Variants in TNFRSF10D observed in about 807,000 individuals in gnomAD.
The protein encoded by TNFRSF10D is tumor necrosis factor receptor superfamily member 10D.
A neutral mutation model predicts 42.1 loss-of-function variants in TNFRSF10D; 28 were observed. The ratio of observed to expected loss-of-function variants is 0.66; its 90% confidence interval spans 0.49 to 0.91. TNFRSF10D has a LOEUF of 0.91. Among genes scored for constraint, TNFRSF10D ranks in the 40% least tolerant of loss-of-function variants. The pLI is 0.00. For synonymous variants in TNFRSF10D, 186 were observed against 189.4 expected (o/e 0.98, Z 0.15); for missense variants, 503 against 486.1 (o/e 1.03, Z -0.33).
intron 2 of TNFRSF10D, among the ~76,000 whole-genome samples, chr8:23,150,276 C>G (rs977217695): frequency 1.3e-5 from 2 of 152,186 alleles, no homozygotes; most frequent in African/African-American, 4.8e-5. Context: ...AAGTACAAGG[C>G]CTATTCCAGT....
chr8:23,163,907 G>A lies in TNFRSF10D; in HGVS notation c.29C>T (p.Thr10Ile), dbSNP rs770443876. Residue 10 changes from threonine to isoleucine, a missense_variant, in exon 1 of 9, where the codon ACC becomes ATC. Transcript: ENST00000312584. MGLWGQSVP[T>I]ASSARAGRYP... ...GCGCCCTGCTCGAGCGCTCGAGGCG[G>A]TCGGGACGCTTTGTCCCCAAAGTCC... 1.3e-6 allele frequency: 2 copies of A among 1,585,918 alleles called. No homozygotes were observed. Among genetic ancestry groups the A allele is most frequent in the South Asian group, 1.1e-5 (1 of 87,798 alleles).
chr8:23,149,336 C>T (rs1286046643), intron 2 of TNFRSF10D, among the ~76,000 whole-genome samples: 4 of 151,738 alleles, frequency 2.6e-5, no homozygotes, highest in Admixed American at 2.6e-4. Context: ...CTCCCAGGTT[C>T]AAGCGATTCT....
chr8:23,161,498 T>C (rs72609906), intron 1 of TNFRSF10D, among the ~76,000 whole-genome samples: 25,814 of 152,152 alleles, frequency 0.17, 2,900 homozygotes, highest in East Asian at 0.58. Flanking sequence ...CTTATCTCCA[T>C]TTACAGGCGT....
chr8:23,156,151 A>T (rs570531913), intron 1 of TNFRSF10D, among the ~76,000 whole-genome samples: 770 of 151,922 alleles, frequency 5.1e-3, no homozygotes, highest in African/African-American at 0.016. Context: ...ACACACTGAA[A>T]AATTCAATAA....
intron 1 of TNFRSF10D, among the ~76,000 whole-genome samples, chr8:23,155,651 G>A (rs1199945036): frequency 2.6e-5 from 4 of 151,666 alleles, no homozygotes; most frequent in South Asian, 2.1e-4. Context: ...CCCAGGAGGC[G>A]GAGCTTGCAC....
In TNFRSF10D at chr8:23,145,670, G is replaced by T. The variant is rs565765139; in HGVS notation, c.734C>A (p.Ser245Ter). The T allele has an allele frequency of 6.2e-7, 1 of 1,613,886 alleles. No homozygotes were observed. Among genetic ancestry groups the T allele is most frequent in the African/African-American group, 1.3e-5 (1 of 74,928 alleles). ...TCCCACCCTCAGCCAGCACCTACCT[G>T]AGCAGATGCCTTTGAGGTAAGAAAT... ...KFISYLKGIC[S>*]GGGGGPERVH... The change falls in exon 5 of 9, where the codon TCA becomes TAA. Residue 245 changes from serine to a stop codon, truncating the protein, a stop_gained and splice_region_variant. Coordinates refer to ENST00000312584, the MANE Select transcript of TNFRSF10D (RefSeq NM_003840.5). LOFTEE classifies it high-confidence loss of function.
At chr8:23,142,324 T>G (rs114770436) in intron 7 of TNFRSF10D, among the ~76,000 whole-genome samples, 620 of 150,770 alleles carry the variant, frequency 4.1e-3, no homozygotes, top group African/African-American at 0.013. Flanking sequence ...CTATCCATAA[T>G]AGCAGTGACA....
intron 1 of TNFRSF10D, among the ~76,000 whole-genome samples, chr8:23,163,088 A>ATTT (rs1800396528): frequency 1.1e-5 from 1 of 89,682 alleles, no homozygotes; most frequent in African/African-American, 4.4e-5. Context: ...CGCCTGGCTA[A>ATTT]CTTTTTTTTT....
At position 23,142,434 on chromosome 8, in the gene TNFRSF10D, A is replaced by C. The variant is rs370728743; in HGVS notation, c.954+2016T>G. 7.5e-4 allele frequency among the ~76,000 whole-genome samples: 114 copies of C among 152,300 alleles called. No homozygotes were observed. In the South Asian group the frequency reaches 0.012, roughly 16 times the overall value. ...CACAGCCATAAAAAAGAATGAAATC[A>C]TATTGTTTGCAGCCACATGGATGAA... On this transcript the variant is annotated intron_variant, in intron 7 of 8. Transcript: ENST00000312584.
At chr8:23,141,163 T>C (rs1384578929) in intron 7 of TNFRSF10D, among the ~76,000 whole-genome samples, 3 of 152,044 alleles carry the variant, frequency 2.0e-5, no homozygotes, top group Non-Finnish European at 4.4e-5. Flanking sequence ...AAAACAAAAA[T>C]TGTCAAGTGG....
At chr8:23,161,896 AG>A (rs1800372387) in intron 1 of TNFRSF10D, among the ~76,000 whole-genome samples, 1 of 152,226 alleles carries the variant, frequency 6.6e-6, no homozygotes, top group African/African-American at 2.4e-5. Flanking sequence ...ACTTCTAAGG[AG>A]TTGCCCAATA....
In TNFRSF10D at chr8:23,137,050, A is replaced by C. The variant is rs1487929782; in HGVS notation, c.*820T>G. 1 of 152,130 alleles carries C rather than the reference A, an allele frequency of 6.6e-6. No individual in the cohort carries two copies. The highest frequency in any genetic ancestry group is 1.5e-5 in the Non-Finnish European group (1 of 68,028). 9.4% of individuals were successfully genotyped at this position (152,130 alleles called of 1,614,324 possible). A position where few individuals can be genotyped will look rare whatever the true frequency, so the allele number is the denominator to read the frequency against. ...AACAGCCTAATAAGTGCATTTCCTA[A>C]AGTTTTTCCATGTTTACATCATTAT... On this transcript the variant is annotated 3_prime_UTR_variant, in exon 9 of 9. Coordinates refer to ENST00000312584, the MANE Select transcript of TNFRSF10D (RefSeq NM_003840.5).
Position 23,144,478 on chromosome 8 carries a change from T to A in TNFRSF10D, c.926A>T (p.Glu309Val). 6.2e-7 allele frequency: 1 copy of A among 1,614,196 alleles called. No homozygotes were observed. Among genetic ancestry groups the A allele is most frequent in the South Asian group, 1.1e-5 (1 of 91,084 alleles). ...CAGACGCTGTGGCTCCTCTGGCAAC[T>A]CTACAGTCACACCTGTTAGCTCTGC... ...ELAELTGVTV[E>V]LPEEPQRLLE... The change falls in exon 7 of 9, where the codon GAG (glutamate) becomes GTG (valine). Residue 309 changes from glutamate (E) to valine (V), a missense_variant. Transcript: ENST00000312584.
At chr8:23,151,359 A>C (rs1800210450) in intron 2 of TNFRSF10D, among the ~76,000 whole-genome samples, 1 of 152,086 alleles carries the variant, frequency 6.6e-6, no homozygotes, top group Admixed American at 6.6e-5. Context: ...AAAAAAAAAA[A>C]CGGGGGGAGT....
chr8:23,155,756 A>C (rs765162612), intron 1 of TNFRSF10D, among the ~76,000 whole-genome samples: 10 of 152,184 alleles, frequency 6.6e-5, no homozygotes, highest in Middle Eastern at 3.4e-3. Flanking sequence ...CCCTTCAAGC[A>C]GAAATAGCAT....
rs1025226047 is a variant in TNFRSF10D, at chr8:23,144,583, T to C, written c.821A>G (p.Asn274Ser). 8 of 1,614,062 alleles carry C rather than the reference T, an allele frequency of 5.0e-6. No individual in the cohort carries two copies. The African/African-American group carries it at 1.1e-4, about 22-fold the overall frequency. Residue 274 changes from asparagine (N) to serine (S), a missense_variant, in exon 7 of 9, where the codon AAT becomes AGT. By Grantham distance (46) the Asn-to-Ser change is conservative. Coordinates refer to ENST00000312584, the MANE Select transcript of TNFRSF10D (RefSeq NM_003840.5). The part of the protein sequence containing the change: ...CPSRVPGAED[N>S]ARNETLSNRY... ...GTTACTCAGGGTCTCGTTGCGGGCA[T>C]TGTCCTCCGCCCCAGGAACTCGTGA...
At chr8:23,142,707 C>T (rs934365566) in intron 7 of TNFRSF10D, among the ~76,000 whole-genome samples, 2 of 152,078 alleles carry the variant, frequency 1.3e-5, no homozygotes, top group Non-Finnish European at 2.9e-5. Context: ...AACAAACTTA[C>T]ATATGTACCC....
At chr8:23,151,490 A>G (rs868067983) in intron 2 of TNFRSF10D, among the ~76,000 whole-genome samples, 3 of 152,262 alleles carry the variant, frequency 2.0e-5, no homozygotes, top group African/African-American at 4.8e-5. Context: ...GGTTAAATAC[A>G]TGGTCAAGTT....
chr8:23,158,359 A>G (rs1800310397), intron 1 of TNFRSF10D, among the ~76,000 whole-genome samples: 1 of 152,200 alleles, frequency 6.6e-6, no homozygotes, highest in Non-Finnish European at 1.5e-5. Context: ...TTCATGTGAT[A>G]CTGAGATAGC....
Sources: gnomAD v4.1 joint callset for allele counts (sites outside exome capture counted in the v4.1 genomes callset) on GRCh38, gnomAD v4.1.1 for gene constraint, MANE v1.5 for transcripts, NCBI Gene and HGNC (gene_info 2026-07-23, HGNC 2026-07-21) for gene names.